The following LARP4B variants were observed in gnomAD, a reference collection of about 807,000 sequenced individuals.
LARP4B encodes La ribonucleoprotein 4B, also known as la-related protein 4B.
A neutral mutation model predicts 89.8 loss-of-function variants in LARP4B; 12 were observed. The ratio of observed to expected loss-of-function variants is 0.13; its 90% confidence interval spans 0.09 to 0.22. The LOEUF is 0.22. LARP4B is among the 10% of genes least tolerant of loss of function. The pLI is 1.00. For synonymous variants in LARP4B, 367 were observed against 363.3 expected (o/e 1.01, Z -0.12); for missense variants, 757 against 947.7 (o/e 0.80, Z 2.64).
In LARP4B at chr10:812,980, G is replaced by A. The variant is rs1177602234; in HGVS notation, c.2163C>T (p.Ala721=). 10 of 1,578,394 alleles carry A rather than the reference G, an allele frequency of 6.3e-6. No homozygotes were observed. The highest frequency in any genetic ancestry group is 7.7e-6 in the Non-Finnish European group (9 of 1,170,534). Residue 721 remains alanine, a synonymous_variant, in exon 18 of 18, where the codon GCC becomes GCT. Transcript: ENST00000316157. Reference sequence around the variant, plus strand: ...GCTCTCGGCTGAGACGCTTCCCCATGGCCGAGGGCGAGGGCCGGCCCCCCG... The same window carrying A: ...GCTCTCGGCTGAGACGCTTCCCCATAGCCGAGGGCGAGGGCCGGCCCCCCG... ...RPAGGRPSPS[A]MGKRLSREQS... is the part of the protein sequence containing the mutation.
At chr10:984,521 G>C in the LARP4B span, among the ~76,000 whole-genome samples, 5 of 152,318 alleles carry the variant, frequency 3.3e-5, no homozygotes. Flanking sequence ...CAGCAGCTCT[G>C]ACGTGAGCAA....
chr10:885,502 C>T (rs994342225), intron 2 of LARP4B, 139 bp downstream of exon 2: 9 of 535,188 alleles, frequency 1.7e-5, no homozygotes, highest in Non-Finnish European at 2.6e-5. Context: ...ATCTTTTCTC[C>T]CCTACGAGAC....
chr10:874,536 A>C (rs987448883), intron 3 of LARP4B, among the ~76,000 whole-genome samples: 2 of 152,238 alleles, frequency 1.3e-5, no homozygotes, highest in Non-Finnish European at 2.9e-5. Context: ...CCAGTCCCTA[A>C]CTGTGGACTC....
chr10:903,252 A>T (rs1281693702), intron 1 of LARP4B: 2 of 152,220 alleles, frequency 1.3e-5, no homozygotes, highest in Admixed American at 6.5e-5. Flanking sequence ...TCTCTCAGCC[A>T]TGGACTGATC....
At chr10:956,446 C>T in the LARP4B span, among the ~76,000 whole-genome samples, 46 of 151,878 alleles carry the variant, frequency 3.0e-4, no homozygotes, top group Non-Finnish European at 2.9e-4. The surrounding 1 kb of genome is among the most constrained non-coding windows in gnomAD (Gnocchi z 4.3). Flanking sequence ...CCCGGGTTCA[C>T]GCCATTCTCC....
In LARP4B at chr10:830,848, G is replaced by A. The variant is rs764936159; in HGVS notation, c.861+19C>T. 1 of 1,020,076 alleles carries A rather than the reference G, an allele frequency of 9.8e-7. No homozygotes were observed. The highest frequency in any genetic ancestry group is 1.5e-6 in the Non-Finnish European group (1 of 645,820). 63.2% of individuals were successfully genotyped at this position (1,020,076 alleles called of 1,614,324 possible). A position where few individuals can be genotyped will look rare whatever the true frequency, so the allele number is the denominator to read the frequency against. On this transcript the variant is annotated intron_variant, in intron 9 of 17. Transcript: ENST00000316157. ...TGGTAAACTATGCAATTCATAGGGT[G>A]ATGGTGGAAAGAACTTACCTGTTGT...
intron 2 of LARP4B, among the ~76,000 whole-genome samples, chr10:885,147 C>A (rs1035785136): frequency 6.6e-6 from 1 of 152,164 alleles, no homozygotes; most frequent in African/African-American, 2.4e-5. Context: ...TAAAACACAG[C>A]TGACATTCCC....
upstream of LARP4B, among the ~76,000 whole-genome samples, chr10:932,687 G>A (rs1312889075): frequency 1.6e-5 from 1 of 63,898 alleles, no homozygotes; most frequent in Non-Finnish European, 3.0e-5. Context: ...GCACTGCCCC[G>A]AACGCCCCAC....
Position 849,193 on chromosome 10 carries a change from G to A in LARP4B, c.431-4138C>T, listed in dbSNP as rs543786565. Among the ~76,000 whole-genome samples, 3 of 152,202 alleles carry A rather than the reference G, an allele frequency of 2.0e-5. No individual in the cohort carries two copies. In the South Asian group the frequency reaches 6.2e-4, roughly 32 times the overall value. ...AGAAAAAAAGGGAAAGAGGAACGAA[G>A]AACACATGGGACAAAAAGAAACAGA... On this transcript the variant is annotated intron_variant, in intron 5 of 17. Coordinates refer to ENST00000316157, the MANE Select transcript of LARP4B (RefSeq NM_015155.3).
At chr10:948,834 C>T in the LARP4B span, among the ~76,000 whole-genome samples, 2 of 152,186 alleles carry the variant, frequency 1.3e-5, no homozygotes, top group African/African-American at 2.4e-5. Context: ...GCCCATAGCT[C>T]GTTCCTTTTC....
chr10:877,066 C>G (rs1010742541), intron 3 of LARP4B, among the ~76,000 whole-genome samples: 1 of 152,198 alleles, frequency 6.6e-6, no homozygotes, highest in Admixed American at 6.5e-5. Context: ...CGAGGCGGCT[C>G]TGGGCAGCAA....
At chr10:826,451 AG>A (rs1346242828) in intron 11 of LARP4B, among the ~76,000 whole-genome samples, 3 of 152,270 alleles carry the variant, frequency 2.0e-5, no homozygotes, top group African/African-American at 7.2e-5. Flanking sequence ...AAGATTCAGA[AG>A]AAATTAGAAA....
At chr10:949,141 AC>A in the LARP4B span, among the ~76,000 whole-genome samples, 1 of 151,056 alleles carries the variant, frequency 6.6e-6, no homozygotes, top group Non-Finnish European at 1.5e-5. Flanking sequence ...ATGATCTCCA[AC>A]CCATTTCCCA....
chr10:859,064 A>T (rs1259579405), intron 5 of LARP4B, among the ~76,000 whole-genome samples: 1 of 152,212 alleles, frequency 6.6e-6, no homozygotes, highest in African/African-American at 2.4e-5. Context: ...AGATGGGCAG[A>T]GGTCAGGAGT....
intron 3 of LARP4B, among the ~76,000 whole-genome samples, chr10:867,200 AT>A (rs1834945319): frequency 6.6e-6 from 1 of 152,220 alleles, no homozygotes; most frequent in East Asian, 1.9e-4. Flanking sequence ...GTCACCAGGA[AT>A]GAAAGAATGA....
At chr10:876,481 A>G (rs1403635045) in intron 3 of LARP4B, among the ~76,000 whole-genome samples, 3 of 152,238 alleles carry the variant, frequency 2.0e-5, no homozygotes, top group Non-Finnish European at 2.9e-5. Context: ...AGGGCAGACA[A>G]TATTAAATAT....
chr10:827,804 A>T (rs145164252), intron 11 of LARP4B, among the ~76,000 whole-genome samples: 13 of 152,366 alleles, frequency 8.5e-5, no homozygotes, highest in African/African-American at 2.9e-4. Context: ...TACGGACTCA[A>T]GTCTCTCTGA....
the LARP4B span, among the ~76,000 whole-genome samples, chr10:976,382 T>A: frequency 0.13 from 17,595 of 139,290 alleles, 1,208 homozygotes; most frequent in Non-Finnish European, 0.19. Context: ...CTTAGTAGAA[T>A]GTAGGCCTAT....
chr10:909,262 C>T (rs1836596325), intron 1 of LARP4B, among the ~76,000 whole-genome samples: 1 of 146,850 alleles, frequency 6.8e-6, no homozygotes, highest in South Asian at 2.1e-4. Context: ...CCACTGCAAT[C>T]CAGCCTGGGC....
Sources: gnomAD v4.1 joint callset for allele counts (sites outside exome capture counted in the v4.1 genomes callset) on GRCh38, gnomAD v4.1.1 for gene constraint, Gnocchi (gnomAD v3.1) non-coding constraint, MANE v1.5 for transcripts, NCBI Gene and HGNC (gene_info 2026-07-23, HGNC 2026-07-21) for gene names.